The following SRCAP variants were observed in gnomAD, a reference collection of about 807,000 sequenced individuals.
The protein encoded by SRCAP is chromatin remodeling protein SRCAP.
In SRCAP, 46 loss-of-function variants were observed where a neutral mutation model predicts 263.1. The ratio of observed to expected loss-of-function variants is 0.17; its 90% CI spans 0.14 to 0.22. The LOEUF (loss-of-function observed/expected upper bound fraction) is 0.22. Ranked by LOEUF, SRCAP falls within the 10% of genes least tolerant of loss-of-function variation. SRCAP has a pLI of 1.00. For synonymous variants in SRCAP, 1,813 were observed against 1,662.1 expected, an observed-to-expected ratio of 1.09 and a Z score of -2.21; for missense variants, 3,695 against 4,181.9, an observed-to-expected ratio of 0.88 and a Z score of 3.21.
chr16:30,723,659 C>T lies in SRCAP; in HGVS notation c.4235C>T (p.Ser1412Phe). 6.2e-7 allele frequency: 1 copy of T among 1,613,852 alleles called. No individual in the cohort carries two copies. The highest frequency in any genetic ancestry group is 1.1e-5 in the South Asian group (1 of 91,072). Residue 1412 changes from serine (S) to phenylalanine (F), a missense_variant, in exon 25 of 34, where the codon TCT (serine) becomes TTT (phenylalanine). Ser to Phe is a radical substitution (Grantham distance 155). This residue lies in a region of SRCAP where 1,347 missense variants were observed against 1,304.4 expected (regional missense o/e 1.03). Coordinates refer to ENST00000262518, the MANE Select transcript of SRCAP (RefSeq NM_006662.3). Reference protein sequence around the residue: ...HVPSSLPGPASSPMPIPNSSP... With the variant: ...HVPSSLPGPAFSPMPIPNSSP... Reference sequence around the variant, plus strand: ...CCATCCTCCCTCCCTGGGCCAGCCTCTTCTCCAATGCCAATTCCCAACTCC... The same window carrying T: ...CCATCCTCCCTCCCTGGGCCAGCCTTTTCTCCAATGCCAATTCCCAACTCC...
At chr16:30,718,011 G>T (rs1042504195) in intron 18 of SRCAP, among the ~76,000 whole-genome samples, 4 of 150,770 alleles carry the variant, frequency 2.7e-5, no homozygotes, top group Non-Finnish European at 5.9e-5. Context: ...AACTATATGC[G>T]TGCACCACTA....
rs148913206 is a variant in SRCAP, at chr16:30,724,284, T to C, written c.4860T>C (p.Pro1620=). ...PVLAPSPGAA[P]VLASSQTPVP... is the part of the protein sequence containing the mutation. ...TGGCACCATCGCCAGGTGCTGCTCC[T>C]GTCCTGGCTTCATCACAGACTCCGG... Residue 1620 remains proline (P), a synonymous_variant, in exon 25 of 34, where the codon CCT becomes CCC. Coordinates refer to ENST00000262518, the MANE Select transcript of SRCAP (RefSeq NM_006662.3). 6 of 1,614,022 alleles carry C rather than the reference T, an allele frequency of 3.7e-6. No homozygotes were observed. Among genetic ancestry groups the C allele is most frequent in the African/African-American group, 1.3e-5 (1 of 74,906 alleles).
At chr16:30,719,217 T>TTTA (rs375239659) in intron 18 of SRCAP, among the ~76,000 whole-genome samples, 16 of 8,010 alleles carry the variant, frequency 2.0e-3, no homozygotes, top group Middle Eastern at 0.05. Flanking sequence ...TATTTATTTA[T>TTTA]TTTTATTTTT....
At chr16:30,732,446 T>C (rs930038450) in intron 27 of SRCAP, among the ~76,000 whole-genome samples, 3 of 150,468 alleles carry the variant, frequency 2.0e-5, no homozygotes, top group African/African-American at 7.3e-5. Flanking sequence ...AGCAAAACTC[T>C]GTCTCAAAAA....
Position 30,720,808 on chromosome 16 carries a change from C to T in SRCAP, c.3083C>T (p.Pro1028Leu). 6.2e-7 allele frequency: 1 copy of T among 1,614,118 alleles called. No homozygotes were observed. Among genetic ancestry groups the T allele is most frequent in the Non-Finnish European group, 8.5e-7 (1 of 1,180,024 alleles). Residue 1028 changes from proline to leucine, a missense_variant, in exon 20 of 34, where the codon CCA becomes CTA. This residue lies in a region of SRCAP where 1,347 missense variants were observed against 1,304.4 expected (regional missense o/e 1.03). Coordinates refer to ENST00000262518, the MANE Select transcript of SRCAP (RefSeq NM_006662.3). ...PLGPVPVRPP[P>L]GPELSAQPTP... ...GGCCCTGTCCCAGTTCGACCTCCTCCAGGTCCTGAGCTCTCAGCCCAGCCC... is the reference window on the plus strand; with the variant it reads ...GGCCCTGTCCCAGTTCGACCTCCTCTAGGTCCTGAGCTCTCAGCCCAGCCC...
intron 6 of SRCAP, among the ~76,000 whole-genome samples, chr16:30,708,130 G>T (rs533874157): frequency 1.9e-4 from 29 of 152,230 alleles, no homozygotes; most frequent in Non-Finnish European, 4.1e-4. Flanking sequence ...CCTTTCTTTT[G>T]TATATCTCTG....
At position 30,724,352 on chromosome 16, in the gene SRCAP, C is replaced by A; in HGVS notation, c.4928C>A (p.Ala1643Asp). 1 of 1,614,184 alleles carries A rather than the reference C, an allele frequency of 6.2e-7. No individual in the cohort carries two copies. The highest frequency in any genetic ancestry group is 8.5e-7 in the Non-Finnish European group (1 of 1,180,026). The change falls in exon 25 of 34, where the codon GCC becomes GAC. Residue 1643 changes from alanine to aspartate, a missense_variant. Ala to Asp is a moderately radical substitution (Grantham distance 126). This residue lies in a region of SRCAP where 1,347 missense variants were observed against 1,304.4 expected (regional missense o/e 1.03). Coordinates refer to ENST00000262518, the MANE Select transcript of SRCAP (RefSeq NM_006662.3). ...APSSTPGTSL[A>D]SASPVPAPTP... is the part of the protein sequence containing the mutation. ...TCGTCTACTCCAGGAACCTCTTTAGCCTCAGCTTCACCGGTACCAGCTCCA... is the reference window on the plus strand; with the variant it reads ...TCGTCTACTCCAGGAACCTCTTTAGACTCAGCTTCACCGGTACCAGCTCCA...
intron 27 of SRCAP, among the ~76,000 whole-genome samples, chr16:30,732,728 A>G (rs1375553503): frequency 6.6e-6 from 1 of 152,114 alleles, no homozygotes; most frequent in African/African-American, 2.4e-5. Context: ...TTTTCCCTCG[A>G]TGTTATGTAT....
At chr16:30,708,967 C>T (rs1306914625) in intron 6 of SRCAP, among the ~76,000 whole-genome samples, 4 of 152,118 alleles carry the variant, frequency 2.6e-5, no homozygotes, top group East Asian at 1.9e-4. Flanking sequence ...TACAGGTGCC[C>T]GCCACCACGC....
rs1248860587 is a variant in SRCAP, at chr16:30,711,630, G to A, written c.1378G>A (p.Gly460Arg). ...QYAGAYAPGS[G>R]SSEDEDEDEV... is the part of the protein sequence containing the mutation. ...TGCAGGAGCCTATGCCCCAGGCTCT[G>A]GGAGCAGTGAAGATGAGGATGAAGA... The change falls in exon 11 of 34, where the codon GGG becomes AGG. Residue 460 changes from glycine to arginine, a missense_variant. Transcript: ENST00000262518. 6.2e-7 allele frequency: 1 copy of A among 1,613,982 alleles called. No individual in the cohort carries two copies. Among genetic ancestry groups the A allele is most frequent in the Admixed American group, 1.7e-5 (1 of 59,970 alleles).
chr16:30,729,593 A>G (rs1207948911), intron 27 of SRCAP, 21 bp downstream of exon 27: 3 of 1,613,012 alleles, frequency 1.9e-6, no homozygotes, highest in East Asian at 2.2e-5. Flanking sequence ...TGGCCAGTGT[A>G]GGACCCTTGA....
At chr16:30,701,701 C>T (rs2052768852) in intron 3 of SRCAP, among the ~76,000 whole-genome samples, 1 of 148,194 alleles carries the variant, frequency 6.7e-6, no homozygotes, top group Non-Finnish European at 1.5e-5. Flanking sequence ...GCGATCTCGG[C>T]TCACTGCAAC....
intron 3 of SRCAP, among the ~76,000 whole-genome samples, chr16:30,703,572 T>C (rs1489781289): frequency 6.6e-6 from 1 of 151,944 alleles, no homozygotes; most frequent in East Asian, 1.9e-4. Flanking sequence ...ATCTATAAAC[T>C]TGGCTCTGCC....
chr16:30,699,831 A>G (rs754182630), intron 1 of SRCAP, 77 bp from the exon 2 acceptor site: 2 of 152,138 alleles, frequency 1.3e-5, no homozygotes, highest in Non-Finnish European at 2.9e-5. Context: ...TTCTGTTTCT[A>G]GTCTTTTAAC....
intron 27 of SRCAP, among the ~76,000 whole-genome samples, chr16:30,730,621 G>A (rs1224125912): frequency 2.0e-5 from 3 of 151,624 alleles, no homozygotes; most frequent in African/African-American, 4.9e-5. Flanking sequence ...TAGTAGACAC[G>A]GGGTTTCACC....
intron 25 of SRCAP, among the ~76,000 whole-genome samples, chr16:30,726,636 A>C (rs541559078): frequency 2.7e-5 from 4 of 147,868 alleles, no homozygotes; most frequent in Admixed American, 2.0e-4. Context: ...CCCCACCTCA[A>C]CCTCCCTCGT....
Position 30,736,346 on chromosome 16 carries a change from TGAG to T in SRCAP, c.6880_6882del (p.Glu2294del). The T allele has an allele frequency of 6.2e-7, 1 of 1,614,010 alleles. No homozygotes were observed. Among genetic ancestry groups the T allele is most frequent in the Non-Finnish European group, 8.5e-7 (1 of 1,179,978 alleles). On this transcript the variant is annotated inframe_deletion, in exon 32 of 34. Transcript: ENST00000262518. ...AAGCTGGCCGGCCTGGGGCTGAGGATGAGGAGATGTCCCGGGCTGAGCAGGAAA... is the reference window on the plus strand; with the variant it reads ...AAGCTGGCCGGCCTGGGGCTGAGGATGAGATGTCCCGGGCTGAGCAGGAAA...
At chr16:30,704,410 C>T (rs2052803534) in intron 4 of SRCAP, 95 bp downstream of exon 4, 3 of 1,465,542 alleles carry the variant, frequency 2.0e-6, no homozygotes, top group Admixed American at 4.6e-5. Flanking sequence ...TCTTTTTTGT[C>T]ATGGATTTAG....
rs1490617986 is a variant in SRCAP, at chr16:30,733,135, C to G, written c.6128-145C>G. On this transcript the variant is annotated intron_variant, in intron 27 of 33. Transcript: ENST00000262518. This position sits in a 1 kb window ranked among gnomAD's most constrained non-coding sequence, Gnocchi z 5.3. ...ACAGGTGTGAGCCACCATGCCCTGC[C>G]GTAGTTAAACATTTTTGATCTGCTA... 2 of 883,994 alleles carry G rather than the reference C, an allele frequency of 2.3e-6. No homozygotes were observed. The highest frequency in any genetic ancestry group is 2.5e-5 in the East Asian group (1 of 39,304). The allele number at this position is 883,994 out of a possible 1,614,324, so 54.8% of individuals were successfully genotyped here.
Sources: gnomAD v4.1 joint callset for allele counts (sites outside exome capture counted in the v4.1 genomes callset) on GRCh38, gnomAD v4.1.1 for gene constraint, gnomAD v4.1.1 regional missense constraint, Gnocchi (gnomAD v3.1) non-coding constraint, MANE v1.5 for transcripts, NCBI Gene and HGNC (gene_info 2026-07-23, HGNC 2026-07-21) for gene names.